The following PPP2R2B variants were observed in gnomAD, a reference collection of about 807,000 sequenced individuals.
PPP2R2B encodes serine/threonine-protein phosphatase 2A 55 kDa regulatory subunit B beta isoform.
A neutral mutation model predicts 46.0 loss-of-function variants in PPP2R2B; 5 were observed. The ratio of observed to expected loss-of-function variants is 0.11; its 90% CI spans 0.06 to 0.23. The LOEUF (loss-of-function observed/expected upper bound fraction) is 0.23. Among genes scored for constraint, PPP2R2B ranks in the 10% least tolerant of loss-of-function variants. The probability of loss-of-function intolerance (pLI) is 1.00; values close to 1 mark genes in which losing one functional copy is unlikely to be tolerated. For missense variants in PPP2R2B, 367 were observed against 575.0 expected (o/e 0.64, Z 3.70); for synonymous variants, 215 against 206.7 (o/e 1.04, Z -0.34).
chr5:146,892,065 G>A (rs1043358086), intron 1 of PPP2R2B, among the ~76,000 whole-genome samples: 1 of 152,166 alleles, frequency 6.6e-6, no homozygotes, highest in African/African-American at 2.4e-5. Flanking sequence ...ACATGCCTCT[G>A]TGTCCTTTCT....
chr5:146,804,473 C>A (rs539700100), intron 2 of PPP2R2B, among the ~76,000 whole-genome samples: 2 of 152,252 alleles, frequency 1.3e-5, no homozygotes, highest in Admixed American at 6.5e-5. Context: ...CCCTCTAACC[C>A]TGCTCTGATC....
chr5:146,905,467 C>T (rs1417234441), intron 1 of PPP2R2B, among the ~76,000 whole-genome samples: 7 of 152,052 alleles, frequency 4.6e-5, no homozygotes, highest in Non-Finnish European at 1.0e-4. Flanking sequence ...TGGTCTTGAA[C>T]TCCAGGCCTC....
intron 2 of PPP2R2B, among the ~76,000 whole-genome samples, chr5:146,830,767 C>G (rs928668986): frequency 6.6e-6 from 1 of 152,148 alleles, no homozygotes; most frequent in South Asian, 2.1e-4. Flanking sequence ...CCATTGCATC[C>G]AACCTCTATA....
At chr5:146,830,399 G>A (rs1041756823) in intron 2 of PPP2R2B, among the ~76,000 whole-genome samples, 1 of 152,190 alleles carries the variant, frequency 6.6e-6, no homozygotes, top group Non-Finnish European at 1.5e-5. Context: ...ACACTTAAAT[G>A]TGATAATGTA....
At chr5:146,666,476 C>T (rs1443467738) in intron 5 of PPP2R2B, among the ~76,000 whole-genome samples, 2 of 152,218 alleles carry the variant, frequency 1.3e-5, no homozygotes, top group Admixed American at 6.5e-5. Context: ...CTGCACTGGA[C>T]TCTTCTTGGG....
At chr5:147,030,032 A>G (rs1421980259) in intron 1 of PPP2R2B, among the ~76,000 whole-genome samples, 1 of 152,230 alleles carries the variant, frequency 6.6e-6, no homozygotes, top group African/African-American at 2.4e-5. Flanking sequence ...AGTTTCCACA[A>G]AAACAATCCT....
chr5:147,061,359 G>T (rs1871580), intron 2 of PPP2R2B, among the ~76,000 whole-genome samples: 66,383 of 151,968 alleles, frequency 0.44, 17,590 homozygotes, highest in Middle Eastern at 0.65. Flanking sequence ...AGCTGAAAAT[G>T]AAAGACAAAT....
At chr5:146,641,719 C>T (rs1344181173) in intron 6 of PPP2R2B, among the ~76,000 whole-genome samples, 1 of 152,138 alleles carries the variant, frequency 6.6e-6, no homozygotes, top group African/African-American at 2.4e-5. Context: ...CTGCACAACT[C>T]TAAAGGGCGA....
intron 7 of PPP2R2B, among the ~76,000 whole-genome samples, chr5:146,629,395 T>G (rs1203070095): frequency 6.6e-6 from 1 of 152,190 alleles, no homozygotes. Context: ...CAAGTCCTCT[T>G]AGCCTCACCT....
intron 5 of PPP2R2B, among the ~76,000 whole-genome samples, chr5:146,673,894 G>GTT (rs566375922): frequency 1.6e-3 from 237 of 152,282 alleles, no homozygotes; most frequent in African/African-American, 5.4e-3. Flanking sequence ...TGCACTTGCA[G>GTT]TTTCCCATTC....
intron 1 of PPP2R2B, among the ~76,000 whole-genome samples, chr5:146,926,283 T>A (rs1763780742): frequency 6.6e-6 from 1 of 152,180 alleles, no homozygotes; most frequent in South Asian, 2.1e-4. Flanking sequence ...TGGTATTTTG[T>A]TTGTAACTTT....
upstream of PPP2R2B, among the ~76,000 whole-genome samples, chr5:146,883,038 G>T (rs945906146): frequency 6.6e-6 from 1 of 152,120 alleles, no homozygotes; most frequent in African/African-American, 2.4e-5. Context: ...GGGTCACCCT[G>T]TCCAATTAGC....
chr5:146,770,267 G>A (rs1754761840), intron 2 of PPP2R2B, among the ~76,000 whole-genome samples: 1 of 148,118 alleles, frequency 6.8e-6, no homozygotes, highest in Non-Finnish European at 1.5e-5. Flanking sequence ...GCAGGCGGAG[G>A]TTGCAGTAAG....
At chr5:146,686,970 G>A (rs1006816345) in intron 5 of PPP2R2B, among the ~76,000 whole-genome samples, 1 of 151,510 alleles carries the variant, frequency 6.6e-6, no homozygotes, top group African/African-American at 2.4e-5. Flanking sequence ...CAAGGCCTTT[G>A]TTTCTCCATT....
At chr5:146,936,196 T>C (rs980020384) in intron 1 of PPP2R2B, among the ~76,000 whole-genome samples, 2 of 152,124 alleles carry the variant, frequency 1.3e-5, no homozygotes, top group African/African-American at 2.4e-5. Flanking sequence ...TGTCTCAGTA[T>C]CTTATCTTTT....
At chr5:146,592,018 T>C in intron 9 of PPP2R2B, 1 of 351,044 alleles carries the variant, frequency 2.8e-6, no homozygotes, top group South Asian at 2.3e-5. Flanking sequence ...ATAACAGATA[T>C]GTAAATAATA....
At chr5:146,913,308 CG>C (rs1554075782) in intron 1 of PPP2R2B, among the ~76,000 whole-genome samples, 4 of 152,126 alleles carry the variant, frequency 2.6e-5, no homozygotes, top group Non-Finnish European at 2.9e-5. Context: ...AGTCTTCACA[CG>C]CAGCCATCCC....
intron 2 of PPP2R2B, among the ~76,000 whole-genome samples, chr5:146,734,746 G>A (rs1752438073): frequency 6.6e-6 from 1 of 152,078 alleles, no homozygotes. Flanking sequence ...TCAAAGTGCT[G>A]GTGTGACAAC....
At chr5:146,852,834 A>G (rs565392183) in intron 2 of PPP2R2B, among the ~76,000 whole-genome samples, 15 of 152,268 alleles carry the variant, frequency 9.9e-5, no homozygotes, top group African/African-American at 3.6e-4. Flanking sequence ...TGACAGGAAA[A>G]AGGTCTATTT....
Sources: gnomAD v4.1 joint callset for allele counts (sites outside exome capture counted in the v4.1 genomes callset) on GRCh38, gnomAD v4.1.1 for gene constraint, MANE v1.5 for transcripts, NCBI Gene and HGNC (gene_info 2026-07-23, HGNC 2026-07-21) for gene names.